Variants in SCHIP1 observed in about 807,000 individuals in gnomAD.
SCHIP1 encodes the protein schwannomin interacting protein 1.
SCHIP1 carries 8 observed loss-of-function variants against 29.7 expected under a neutral mutation model. The ratio of observed to expected loss-of-function variants is 0.27; its 90% confidence interval spans 0.16 to 0.49. SCHIP1 has a LOEUF of 0.49. Among genes scored for constraint, SCHIP1 ranks in the 20% least tolerant of loss-of-function variants. The pLI, the probability that SCHIP1 is intolerant of heterozygous loss-of-function variation, is 0.99. For synonymous variants in SCHIP1, 76 were observed against 94.9 expected (o/e 0.80, Z 1.16); for missense variants, 193 against 294.6 (o/e 0.66, Z 2.52).
At chr3:159,862,179 C>G (rs917941695) in intron 1 of SCHIP1, among the ~76,000 whole-genome samples, 4 of 152,202 alleles carry the variant, frequency 2.6e-5, no homozygotes, top group African/African-American at 9.6e-5. Context: ...ACATCCATCT[C>G]AGGGAAGAAG....
At chr3:159,692,048 G>A in the SCHIP1 span, among the ~76,000 whole-genome samples, 1 of 128,702 alleles carries the variant, frequency 7.8e-6, no homozygotes, top group Admixed American at 9.2e-5. Context: ...TTGAGACGGA[G>A]TCTCGCTCTG....
the SCHIP1 span, among the ~76,000 whole-genome samples, chr3:159,610,134 G>A: frequency 2.0e-5 from 3 of 152,182 alleles, no homozygotes; most frequent in African/African-American, 7.2e-5. Flanking sequence ...GGGTCTCACA[G>A]CTGGTTGAGT....
chr3:159,295,590 A>G, the SCHIP1 span, among the ~76,000 whole-genome samples: 3 of 152,044 alleles, frequency 2.0e-5, no homozygotes, highest in Admixed American at 2.0e-4. Context: ...CCCTGCTTAC[A>G]TATCCACCTA....
the SCHIP1 span, among the ~76,000 whole-genome samples, chr3:159,485,874 A>AT: frequency 6.6e-6 from 1 of 152,114 alleles, no homozygotes; most frequent in Non-Finnish European, 1.5e-5. Flanking sequence ...CATCACTATT[A>AT]TTTTGCTGTT....
the SCHIP1 span, among the ~76,000 whole-genome samples, chr3:159,399,788 T>G: frequency 1.3e-5 from 2 of 152,128 alleles, no homozygotes; most frequent in African/African-American, 4.8e-5. Flanking sequence ...GCAATCTTAT[T>G]TCTTCAGCCT....
chr3:159,402,226 A>G, the SCHIP1 span, among the ~76,000 whole-genome samples: 2 of 152,220 alleles, frequency 1.3e-5, no homozygotes, highest in Non-Finnish European at 2.9e-5. Context: ...CAAAACCACA[A>G]TGAGATACCA....
At chr3:159,462,606 T>C in the SCHIP1 span, among the ~76,000 whole-genome samples, 33,541 of 152,004 alleles carry the variant, frequency 0.22, 4,112 homozygotes, top group East Asian at 0.34. Context: ...TCCTAAAGTC[T>C]AGCTCTGATC....
At chr3:159,458,523 TAC>T in the SCHIP1 span, among the ~76,000 whole-genome samples, 25 of 152,030 alleles carry the variant, frequency 1.6e-4, no homozygotes, top group South Asian at 5.2e-3. Flanking sequence ...TTTTAAAAGT[TAC>T]ACAGTTAGTT....
chr3:159,715,629 A>G, the SCHIP1 span, among the ~76,000 whole-genome samples: 5 of 152,232 alleles, frequency 3.3e-5, no homozygotes, highest in African/African-American at 1.2e-4. Context: ...AGCCAATTTG[A>G]TCAACTGGAA....
the SCHIP1 span, among the ~76,000 whole-genome samples, chr3:159,346,257 C>T: frequency 2.1e-5 from 3 of 143,416 alleles, no homozygotes; most frequent in African/African-American, 7.8e-5. Flanking sequence ...GAGGAATAAG[C>T]ACCCTTTCAG....
chr3:159,680,732 TA>T, the SCHIP1 span, among the ~76,000 whole-genome samples: 1 of 103,134 alleles, frequency 9.7e-6, no homozygotes, highest in Admixed American at 1.5e-4. Flanking sequence ...ATATATATAA[TA>T]TACATATATA....
the SCHIP1 span, among the ~76,000 whole-genome samples, chr3:159,714,452 C>G: frequency 6.6e-6 from 1 of 152,168 alleles, no homozygotes; most frequent in Admixed American, 6.5e-5. Context: ...ATTTCCTCAC[C>G]CGGGAAGTGC....
At chr3:159,741,062 AGCT>A in the SCHIP1 span, among the ~76,000 whole-genome samples, 1 of 152,114 alleles carries the variant, frequency 6.6e-6, no homozygotes, top group Non-Finnish European at 1.5e-5. Context: ...TCCCTCCACT[AGCT>A]CTTAAGCTCC....
At chr3:159,701,535 A>G in the SCHIP1 span, among the ~76,000 whole-genome samples, 190 of 152,308 alleles carry the variant, frequency 1.2e-3, no homozygotes, top group African/African-American at 4.5e-3. Flanking sequence ...ACTTATATTT[A>G]AACATTTATT....
At chr3:159,554,028 G>GTGTGTGTGTGTGTGTGTGTA in the SCHIP1 span, among the ~76,000 whole-genome samples, 15 of 73,442 alleles carry the variant, frequency 2.0e-4, no homozygotes, top group African/African-American at 1.8e-3. Flanking sequence ...GTTTGTGTAT[G>GTGTGTGTGTGTGTGTGTGTA]TGTGTGTGTG....
the SCHIP1 span, among the ~76,000 whole-genome samples, chr3:159,799,694 C>G: frequency 2.8e-4 from 42 of 152,116 alleles, no homozygotes; most frequent in Non-Finnish European, 3.2e-4. Context: ...GCTTGCCATA[C>G]AGTCTGGTGG....
At chr3:159,502,060 A>C in the SCHIP1 span, among the ~76,000 whole-genome samples, 8 of 152,364 alleles carry the variant, frequency 5.3e-5, no homozygotes, top group African/African-American at 1.2e-4. Flanking sequence ...GATATAGAGA[A>C]ATTTCAGTTT....
the SCHIP1 span, among the ~76,000 whole-genome samples, chr3:159,524,711 A>G: frequency 6.6e-6 from 1 of 152,208 alleles, no homozygotes; most frequent in Non-Finnish European, 1.5e-5. Context: ...TGTGCCCAAG[A>G]AAATTGTTAA....
the SCHIP1 span, among the ~76,000 whole-genome samples, chr3:159,603,612 A>G: frequency 3.3e-5 from 5 of 152,152 alleles, no homozygotes; most frequent in Admixed American, 3.3e-4. Context: ...GACTAAATAT[A>G]TATTTTGCAG....
Sources: gnomAD v4.1 joint callset for allele counts (sites outside exome capture counted in the v4.1 genomes callset) on GRCh38, gnomAD v4.1.1 for gene constraint, MANE v1.5 for transcripts, NCBI Gene and HGNC (gene_info 2026-07-23, HGNC 2026-07-21) for gene names.